The following RORA variants were observed in gnomAD, a reference collection of about 807,000 sequenced individuals.
The protein encoded by RORA is nuclear receptor ROR-alpha.
In RORA, 7 loss-of-function variants were observed where a neutral mutation model predicts 69.5. That is an observed-to-expected ratio of 0.10 (90% CI 0.06 to 0.19). The LOEUF (loss-of-function observed/expected upper bound fraction) is 0.19, where lower values mean the gene tolerates loss of function less well. RORA is among the 10% of genes least tolerant of loss of function. The pLI, the probability that RORA is intolerant of heterozygous loss-of-function variation, is 1.00. For synonymous variants in RORA, 261 were observed against 240.8 expected (o/e 1.08, Z -0.78); for missense variants, 457 against 663.0 (o/e 0.69, Z 3.41).
chr15:60,706,586 G>C (rs947561870), intron 1 of RORA, among the ~76,000 whole-genome samples: 1 of 152,174 alleles, frequency 6.6e-6, no homozygotes, highest in African/African-American at 2.4e-5. Context: ...AGTCTTGAGA[G>C]AGGGAAGTAT....
chr15:60,494,462 T>TA lies in RORA; in HGVS notation c.*2992dup, dbSNP rs2065118632. On this transcript the variant is annotated 3_prime_UTR_variant, in exon 11 of 11. Coordinates refer to ENST00000335670, the MANE Select transcript of RORA (RefSeq NM_134261.3). The stretch of plus-strand genomic sequence containing the variant: ...TTTAGGAAACTTTAATTATAAAAAC[T>TA]ATTAAGGATAATTGTTCTGATATCA... The TA allele has an allele frequency of 6.6e-6, 1 of 152,240 alleles. No individual in the cohort carries two copies. The highest frequency in any genetic ancestry group is 2.4e-5 in the African/African-American group (1 of 41,470). 9.4% of individuals were successfully genotyped at this position (152,240 alleles called of 1,614,324 possible).
chr15:60,852,997 T>C (rs954769265), intron 1 of RORA, among the ~76,000 whole-genome samples: 1 of 152,204 alleles, frequency 6.6e-6, no homozygotes, highest in African/African-American at 2.4e-5. Flanking sequence ...GGTAATATCC[T>C]TTGTGTCTGT....
chr15:60,806,402 C>G (rs1279647211), intron 1 of RORA, among the ~76,000 whole-genome samples: 2 of 152,144 alleles, frequency 1.3e-5, no homozygotes, highest in African/African-American at 4.8e-5. Flanking sequence ...CAGGCCAGAC[C>G]AGAATGGAAT....
chr15:61,096,008 AGCCAAAGG>A (rs2078784204), intron 1 of RORA, among the ~76,000 whole-genome samples: 1 of 152,202 alleles, frequency 6.6e-6, no homozygotes, highest in Non-Finnish European at 1.5e-5. Flanking sequence ...ATGAATCACA[AGCCAAAGG>A]GCAGAGTCCA....
intron 1 of RORA, among the ~76,000 whole-genome samples, chr15:60,761,954 C>T (rs79951972): frequency 0.024 from 3,714 of 151,896 alleles, 159 homozygotes; most frequent in African/African-American, 0.086. Flanking sequence ...AAAGTCTAGT[C>T]CTTGGAAATC....
At chr15:60,747,521 G>T (rs1161878836) in intron 1 of RORA, among the ~76,000 whole-genome samples, 1 of 152,156 alleles carries the variant, frequency 6.6e-6, no homozygotes, top group Non-Finnish European at 1.5e-5. Context: ...TATACAGAAA[G>T]AAAAATTCTA....
chr15:60,573,092 T>C (rs907326407), intron 2 of RORA, among the ~76,000 whole-genome samples: 4 of 152,232 alleles, frequency 2.6e-5, no homozygotes, highest in African/African-American at 4.8e-5. Context: ...AAGCATTCGC[T>C]TGTAGCACCA....
intron 1 of RORA, among the ~76,000 whole-genome samples, chr15:61,079,952 A>G (rs2078514522): frequency 6.6e-6 from 1 of 152,322 alleles, no homozygotes; most frequent in African/African-American, 2.4e-5. Flanking sequence ...GGAGATCATA[A>G]TACTCATAAT....
At chr15:60,548,696 G>T (rs915150155) in intron 2 of RORA, among the ~76,000 whole-genome samples, 7 of 152,156 alleles carry the variant, frequency 4.6e-5, no homozygotes, top group African/African-American at 1.7e-4. Flanking sequence ...GGAGTGCAGT[G>T]GCGCGATCTC....
intron 1 of RORA, among the ~76,000 whole-genome samples, chr15:60,755,377 T>G (rs1023973351): frequency 7.2e-5 from 11 of 152,070 alleles, no homozygotes. Context: ...CTTAATCCAG[T>G]CTATCATTGT....
intron 1 of RORA, among the ~76,000 whole-genome samples, chr15:61,119,088 G>T (rs898033497): frequency 3.1e-5 from 4 of 127,026 alleles, no homozygotes; most frequent in Non-Finnish European, 7.0e-5. Flanking sequence ...AGAAGGGGGG[G>T]GGGGGCGCCA....
At chr15:61,051,337 C>T in intron 1 of RORA, among the ~76,000 whole-genome samples, 1 of 152,140 alleles carries the variant, frequency 6.6e-6, no homozygotes. Context: ...TCCCCACTCC[C>T]CCTAGGGGGT....
chr15:60,622,910 T>G (rs1339269606), intron 2 of RORA, among the ~76,000 whole-genome samples: 4 of 151,968 alleles, frequency 2.6e-5, no homozygotes, highest in Non-Finnish European at 5.9e-5. Context: ...GAGATGGGGT[T>G]TCACCATATT....
At chr15:61,185,351 CAA>C (rs1249381253) in intron 1 of RORA, among the ~76,000 whole-genome samples, 1 of 151,018 alleles carries the variant, frequency 6.6e-6, no homozygotes, top group African/African-American at 2.4e-5. Flanking sequence ...AATAAGAGGA[CAA>C]GAAATGAATT....
intron 1 of RORA, among the ~76,000 whole-genome samples, chr15:60,970,935 T>C (rs1023626666): frequency 6.6e-6 from 1 of 152,224 alleles, no homozygotes; most frequent in Non-Finnish European, 1.5e-5. Context: ...GAAACATTCC[T>C]GAGCCACGTG....
chr15:61,005,407 A>T (rs937861927), intron 1 of RORA, among the ~76,000 whole-genome samples: 1 of 152,112 alleles, frequency 6.6e-6, no homozygotes, highest in Non-Finnish European at 1.5e-5. Flanking sequence ...TTGAACCTGG[A>T]AAGTGGAGGC....
chr15:60,551,290 A>T (rs1368860761), intron 2 of RORA, among the ~76,000 whole-genome samples: 1 of 151,964 alleles, frequency 6.6e-6, no homozygotes, highest in Non-Finnish European at 1.5e-5. Context: ...TACCACTCTG[A>T]CCTCAATATG....
At chr15:60,673,284 C>T (rs986119120) in intron 2 of RORA, among the ~76,000 whole-genome samples, 1 of 152,182 alleles carries the variant, frequency 6.6e-6, no homozygotes, top group Admixed American at 6.5e-5. Flanking sequence ...CTATGCAAAT[C>T]TTCTACTTTG....
At chr15:61,029,153 A>T (rs1157124723) in intron 1 of RORA, among the ~76,000 whole-genome samples, 1 of 152,200 alleles carries the variant, frequency 6.6e-6, no homozygotes, top group Admixed American at 6.5e-5. Flanking sequence ...AATTAAAAAA[A>T]AAAACATCTA....
Sources: allele counts gnomAD v4.1 joint callset (sites outside exome capture counted in the v4.1 genomes callset), GRCh38; gene constraint gnomAD v4.1.1; transcripts MANE v1.5; gene names NCBI Gene and HGNC (gene_info 2026-07-23, HGNC 2026-07-21).